ACSL3: variants seen among roughly 807,000 people sequenced by gnomAD.
ACSL3 encodes fatty acid CoA ligase Acsl3.
Under a neutral mutation model 84.7 loss-of-function variants are expected in ACSL3, and 34 were observed. The ratio of observed to expected loss-of-function variants is 0.40; its 90% CI spans 0.31 to 0.53. The LOEUF (loss-of-function observed/expected upper bound fraction) is 0.53, where lower values mean the gene tolerates loss of function less well. Among genes scored for constraint, ACSL3 ranks in the 20% least tolerant of loss-of-function variants. The pLI, the probability that ACSL3 is intolerant of heterozygous loss-of-function variation, is 0.48. For synonymous variants in ACSL3, 315 were observed against 299.4 expected, an observed-to-expected ratio of 1.05 and a Z score of -0.54; for missense variants, 680 against 873.1, an observed-to-expected ratio of 0.78 and a Z score of 2.79.
intron 11 of ACSL3, among the ~76,000 whole-genome samples, chr2:222,925,218 C>CT (rs1183180503): frequency 6.6e-6 from 1 of 151,612 alleles, no homozygotes; most frequent in African/African-American, 2.4e-5. Flanking sequence ...TGCCTGTAGT[C>CT]TCAGCTGTTA....
Position 222,943,594 on chromosome 2 carries a change from A to G in ACSL3, c.*1940A>G, listed in dbSNP as rs1697383552. The G allele has an allele frequency of 6.5e-6, 1 of 153,988 alleles. No individual in the cohort carries two copies. The highest frequency in any genetic ancestry group is 1.4e-5 in the Non-Finnish European group (1 of 69,152). The allele number at this position is 153,988 out of a possible 1,614,324, so 9.5% of individuals were successfully genotyped here. On this transcript the variant is annotated 3_prime_UTR_variant, in exon 17 of 17. Transcript: ENST00000357430. ...ATCTAATGAGGCAGGCTTAAACTCT[A>G]TTTAGTTTCGTTTGTTTTCTCATAT...
At chr2:222,906,321 C>T (rs949680967) in intron 3 of ACSL3, among the ~76,000 whole-genome samples, 3 of 152,222 alleles carry the variant, frequency 2.0e-5, no homozygotes, top group Non-Finnish European at 4.4e-5. Flanking sequence ...CTTTAACTCT[C>T]AGATCTCCTT....
At chr2:222,894,064 G>T (rs547783850) in intron 2 of ACSL3, among the ~76,000 whole-genome samples, 3 of 152,260 alleles carry the variant, frequency 2.0e-5, no homozygotes, top group African/African-American at 7.2e-5. Flanking sequence ...CAGGGCATTT[G>T]ACTATGATAT....
Position 222,923,147 on chromosome 2 carries a change from C to T in ACSL3, c.1150C>T (p.Pro384Ser). 1.2e-6 allele frequency: 2 copies of T among 1,613,126 alleles called. No homozygotes were observed. The highest frequency in any genetic ancestry group is 1.7e-6 in the Non-Finnish European group (2 of 1,179,178). ...GAAACCAACACTGATGGCAGCAGTT[C>T]CGGTAAGAAGTGACCCTTATTTAAT... ...MLKPTLMAAV[P>S]EIMDRIYKNV... Residue 384 changes from proline to serine, a missense_variant and splice_region_variant, in exon 10 of 17, where the codon CCG (proline) becomes TCG (serine). By Grantham distance (74) the Pro-to-Ser change is moderately conservative (BLOSUM62 -1). Transcript: ENST00000357430.
rs772651847 is a variant in ACSL3 at position 222,930,823 on chromosome 2, T to A, written c.1732+11T>A. ...GCTTAAAGATTATTGGTAAGTCATCTAATATTTTTTTGAAAATGAATGTTT... is the reference window on the plus strand; with the variant it reads ...GCTTAAAGATTATTGGTAAGTCATCAAATATTTTTTTGAAAATGAATGTTT... On this transcript the variant is annotated intron_variant, in intron 14 of 16. Transcript: ENST00000357430. 5.7e-6 allele frequency: 9 copies of A among 1,578,692 alleles called. No individual in the cohort carries two copies. Among genetic ancestry groups the A allele is most frequent in the Non-Finnish European group, 7.7e-6 (9 of 1,163,792 alleles).
At chr2:222,899,203 A>G (rs747229937) in intron 2 of ACSL3, among the ~76,000 whole-genome samples, 8 of 152,244 alleles carry the variant, frequency 5.3e-5, no homozygotes, top group Non-Finnish European at 8.8e-5. Flanking sequence ...TTTTAAAACT[A>G]GATTGGAAAC....
chr2:222,866,941 TCTC>T (rs750138873), intron 1 of ACSL3, among the ~76,000 whole-genome samples: 1 of 151,526 alleles, frequency 6.6e-6, no homozygotes, highest in Non-Finnish European at 1.5e-5. Flanking sequence ...TTCAAGCAAT[TCTC>T]CTGCCGCAGC....
At chr2:222,878,541 A>G (rs948569855) in intron 1 of ACSL3, among the ~76,000 whole-genome samples, 12 of 152,146 alleles carry the variant, frequency 7.9e-5, no homozygotes, top group African/African-American at 2.9e-4. Context: ...TTCTTCTGGC[A>G]TCTGCCCTTA....
intron 1 of ACSL3, among the ~76,000 whole-genome samples, chr2:222,874,576 C>G (rs1341937891): frequency 6.6e-6 from 1 of 151,098 alleles, no homozygotes; most frequent in African/African-American, 2.4e-5. Flanking sequence ...GTTCCGGCTG[C>G]TTGGGAGGAT....
At chr2:222,898,908 G>T (rs935895995) in intron 2 of ACSL3, among the ~76,000 whole-genome samples, 11 of 152,182 alleles carry the variant, frequency 7.2e-5, no homozygotes, top group African/African-American at 2.7e-4. Flanking sequence ...AGGGGTATTA[G>T]CAAAGTAGTA....
chr2:222,937,327 G>A (rs939928683), intron 16 of ACSL3, among the ~76,000 whole-genome samples: 4 of 152,048 alleles, frequency 2.6e-5, no homozygotes, highest in African/African-American at 9.7e-5. Flanking sequence ...GGTTGTGTGT[G>A]TGTCTTTAGA....
At chr2:222,887,807 C>T (rs900458989) in intron 1 of ACSL3, 23 bp from the exon 2 acceptor site, 6 of 152,040 alleles carry the variant, frequency 3.9e-5, no homozygotes, top group Admixed American at 3.3e-4. Context: ...TAATGCTTGT[C>T]TTTTTTATGT....
Position 222,934,803 on chromosome 2 carries a change from C to T in ACSL3, c.2005+116C>T, listed in dbSNP as rs1559304459. On this transcript the variant is annotated intron_variant, in intron 16 of 16. Coordinates refer to ENST00000357430, the MANE Select transcript of ACSL3 (RefSeq NM_004457.5). ...CTTTCTGCTCAGAAACCATTTCTAC[C>T]GTTAGTATATGGAAGAGTAAACTTA... 21 of 1,119,804 alleles carry T rather than the reference C, an allele frequency of 1.9e-5. No homozygotes were observed. The East Asian group carries it at 2.2e-4, about 12-fold the overall frequency. 69.4% of individuals were successfully genotyped at this position (1,119,804 alleles called of 1,614,324 possible).
At chr2:222,940,442 A>T (rs1047557367) in intron 16 of ACSL3, among the ~76,000 whole-genome samples, 1 of 150,780 alleles carries the variant, frequency 6.6e-6, no homozygotes, top group African/African-American at 2.4e-5. Context: ...ATCTAGGTGC[A>T]TATAAGTTTA....
intron 1 of ACSL3, among the ~76,000 whole-genome samples, chr2:222,868,489 GTGTTGC>G (rs1356999272): frequency 4.9e-4 from 74 of 152,222 alleles, no homozygotes; most frequent in African/African-American, 1.8e-3. Context: ...TCAGTTTGTG[GTGTTGC>G]CTTCTTTTTT....
intron 4 of ACSL3, among the ~76,000 whole-genome samples, chr2:222,912,225 C>G (rs891784088): frequency 3.3e-5 from 5 of 152,220 alleles, no homozygotes; most frequent in African/African-American, 1.2e-4. Flanking sequence ...GCTTTAGTTT[C>G]TGTTCATTCT....
At chr2:222,867,329 A>T (rs1049404954) in intron 1 of ACSL3, among the ~76,000 whole-genome samples, 1 of 152,300 alleles carries the variant, frequency 6.6e-6, no homozygotes, top group Non-Finnish European at 1.5e-5. Flanking sequence ...AAAATATTTC[A>T]TAAAATTTAA....
chr2:222,929,030 A>G (rs182391548), intron 13 of ACSL3, 94 bp downstream of exon 13: 181 of 944,338 alleles, frequency 1.9e-4, no homozygotes, highest in Middle Eastern at 9.9e-4. Flanking sequence ...GTAAACACCC[A>G]TAAGTGCTCA....
At position 222,942,538 on chromosome 2, in the gene ACSL3, C is replaced by T. The variant is rs16864237; in HGVS notation, c.*884C>T. 0.012 allele frequency: 2,251 copies of T among 195,726 alleles called. 39 individuals carry two copies. The highest frequency in any genetic ancestry group is 0.049 in the African/African-American group (2,127 of 43,388). 12.1% of individuals were successfully genotyped at this position (195,726 alleles called of 1,614,324 possible). A position where few individuals can be genotyped will look rare whatever the true frequency, so the allele number is the denominator to read the frequency against. Reference sequence around the variant, plus strand: ...ATATAAAGTTATTCTTTGAATATTTCGTTGACTATATGTACATTGAGTTAT... The same window carrying T: ...ATATAAAGTTATTCTTTGAATATTTTGTTGACTATATGTACATTGAGTTAT... On this transcript the variant is annotated 3_prime_UTR_variant, in exon 17 of 17. Transcript: ENST00000357430.
Sources: allele counts gnomAD v4.1 joint callset (sites outside exome capture counted in the v4.1 genomes callset), GRCh38; gene constraint gnomAD v4.1.1; transcripts MANE v1.5; gene names NCBI Gene and HGNC (gene_info 2026-07-23, HGNC 2026-07-21).